Variants in LDLRAD4 observed in about 807,000 individuals in gnomAD.
LDLRAD4 encodes low density lipoprotein receptor class A domain containing 4, also known as low-density lipoprotein receptor class A domain-containing protein 4.
A neutral mutation model predicts 17.0 loss-of-function variants in LDLRAD4; 5 were observed. The ratio of observed to expected loss-of-function variants is 0.29; its 90% CI spans 0.15 to 0.62. LDLRAD4 has a LOEUF of 0.62. Among genes scored for constraint, LDLRAD4 ranks in the 20% least tolerant of loss-of-function variants. LDLRAD4 has a pLI of 0.84. For synonymous variants in LDLRAD4, 168 were observed against 171.8 expected, an observed-to-expected ratio of 0.98 and a Z score of 0.17; for missense variants, 340 against 424.7, an observed-to-expected ratio of 0.80 and a Z score of 1.75.
chr18:13,314,853 A>T (rs2080843173), intron 1 of LDLRAD4, among the ~76,000 whole-genome samples: 1 of 152,168 alleles, frequency 6.6e-6, no homozygotes, highest in African/African-American at 2.4e-5. Flanking sequence ...GCATTTGCTG[A>T]TGTGTTAGCT....
At chr18:13,414,831 C>G (rs529323531) in intron 2 of LDLRAD4, among the ~76,000 whole-genome samples, 1 of 152,356 alleles carries the variant, frequency 6.6e-6, no homozygotes, top group Admixed American at 6.5e-5. Context: ...CCCTGATTAT[C>G]AGACACATCT....
At chr18:13,353,819 TGAA>T (rs1401140202) in intron 1 of LDLRAD4, among the ~76,000 whole-genome samples, 1 of 152,248 alleles carries the variant, frequency 6.6e-6, no homozygotes, top group Non-Finnish European at 1.5e-5. Context: ...GCAGACATTT[TGAA>T]TGTGGCTTCT....
intron 3 of LDLRAD4, among the ~76,000 whole-genome samples, chr18:13,540,608 GTTAT>G (rs1172593301): frequency 1.3e-5 from 2 of 152,152 alleles, no homozygotes; most frequent in Non-Finnish European, 2.9e-5. Flanking sequence ...TTCGTCAGTG[GTTAT>G]TTATTAGTCT....
intron 1 of LDLRAD4, among the ~76,000 whole-genome samples, chr18:13,247,792 G>T (rs1350281757): frequency 6.6e-6 from 1 of 152,106 alleles, no homozygotes; most frequent in Non-Finnish European, 1.5e-5. Flanking sequence ...TTAAGAACTG[G>T]ATCTGAGCTT....
intron 2 of LDLRAD4, among the ~76,000 whole-genome samples, chr18:13,417,679 C>A (rs537140191): frequency 6.6e-6 from 1 of 152,278 alleles, no homozygotes; most frequent in East Asian, 1.9e-4. Context: ...AGTGATCCGC[C>A]CATCTCGGCC....
intron 1 of LDLRAD4, among the ~76,000 whole-genome samples, chr18:13,332,182 A>G (rs759021956): frequency 3.3e-5 from 5 of 152,384 alleles, no homozygotes; most frequent in South Asian, 4.1e-4. Context: ...TTTATTCAGA[A>G]TTTAAAATTT....
intron 4 of LDLRAD4, among the ~76,000 whole-genome samples, chr18:13,624,496 A>C (rs1461670014): frequency 6.6e-6 from 1 of 151,840 alleles, no homozygotes; most frequent in African/African-American, 2.4e-5. Flanking sequence ...GGAGGCCAAG[A>C]CCCCGCTGCC....
intron 3 of LDLRAD4, among the ~76,000 whole-genome samples, chr18:13,443,799 G>T (rs866025285): frequency 6.6e-6 from 1 of 151,704 alleles, no homozygotes; most frequent in African/African-American, 2.4e-5. Flanking sequence ...TCTGGATTTT[G>T]CTGGCTGCTT....
intron 1 of LDLRAD4, among the ~76,000 whole-genome samples, chr18:13,325,648 C>T (rs892751530): frequency 1.3e-5 from 2 of 152,236 alleles, no homozygotes; most frequent in Non-Finnish European, 2.9e-5. Context: ...AGGCCGATCC[C>T]GGCACTCAGC....
chr18:13,643,433 A>C, intron 5 of LDLRAD4, 21 bp downstream of exon 6: 1 of 229,452 alleles, frequency 4.4e-6, no homozygotes, highest in South Asian at 2.7e-4. Context: ...CCAGGAGGTG[A>C]TGGCTGCGGG....
intron 3 of LDLRAD4, among the ~76,000 whole-genome samples, chr18:13,595,408 G>A (rs187576783): frequency 8.7e-4 from 132 of 152,134 alleles, no homozygotes; most frequent in Non-Finnish European, 1.2e-3. Flanking sequence ...GGTATGTTTT[G>A]CTTTTATTTG....
At chr18:13,542,673 G>A (rs188268530) in intron 3 of LDLRAD4, among the ~76,000 whole-genome samples, 5 of 152,156 alleles carry the variant, frequency 3.3e-5, no homozygotes, top group African/African-American at 4.8e-5. Flanking sequence ...CGGGGCGGGC[G>A]GAGGTGGGTG....
intron 1 of LDLRAD4, among the ~76,000 whole-genome samples, chr18:13,263,069 C>T (rs2043996092): frequency 9.9e-6 from 1 of 101,516 alleles, no homozygotes; most frequent in Non-Finnish European, 1.9e-5. Context: ...GCTCTGTGTG[C>T]GTGGGGGCCG....
At chr18:13,321,881 A>G (rs1237749971) in intron 1 of LDLRAD4, among the ~76,000 whole-genome samples, 2 of 58,976 alleles carry the variant, frequency 3.4e-5, no homozygotes, top group African/African-American at 7.9e-5. Context: ...AAAAAAAAAA[A>G]AAAAAAAAAA....
intron 3 of LDLRAD4, among the ~76,000 whole-genome samples, chr18:13,553,733 G>A (rs996603024): frequency 1.3e-5 from 2 of 152,080 alleles, no homozygotes; most frequent in Non-Finnish European, 1.5e-5. Flanking sequence ...TCTGTCCTTC[G>A]CATGGAAACA....
At chr18:13,616,806 G>A (rs893507101) in intron 3 of LDLRAD4, among the ~76,000 whole-genome samples, 33 of 152,204 alleles carry the variant, frequency 2.2e-4, no homozygotes, top group Admixed American at 1.5e-3. Flanking sequence ...GGCACCCCAC[G>A]GGGCCACTCG....
intron 3 of LDLRAD4, among the ~76,000 whole-genome samples, chr18:13,549,335 CATT>C (rs2094406746): frequency 6.6e-6 from 1 of 152,054 alleles, no homozygotes. Context: ...CAGCTGTCTT[CATT>C]TCTCAGAAAC....
chr18:13,429,602 A>T (rs1228941685), intron 2 of LDLRAD4, among the ~76,000 whole-genome samples: 1 of 152,258 alleles, frequency 6.6e-6, no homozygotes, highest in Non-Finnish European at 1.5e-5. Context: ...TCCCTGTCTT[A>T]AAAATTTATA....
chr18:13,526,985 G>T (rs1218151592), intron 3 of LDLRAD4, among the ~76,000 whole-genome samples: 7 of 152,152 alleles, frequency 4.6e-5, no homozygotes. Context: ...ATCTGGATGG[G>T]TGTATAGAAT....
Sources: allele counts gnomAD v4.1 joint callset (sites outside exome capture counted in the v4.1 genomes callset), GRCh38; gene constraint gnomAD v4.1.1; transcripts MANE v1.5; gene names NCBI Gene and HGNC (gene_info 2026-07-23, HGNC 2026-07-21).